HDGFL2: variants seen among roughly 807,000 people sequenced by gnomAD.
HDGFL2 encodes the protein hepatoma-derived growth factor-related protein 2.
HDGFL2 carries 36 observed loss-of-function variants against 77.1 expected under a neutral mutation model. That is an observed-to-expected ratio of 0.47 (90% CI 0.36 to 0.62). The LOEUF is 0.62. HDGFL2 is among the 20% of genes least tolerant of loss of function. The pLI is 0.00. For synonymous variants in HDGFL2, 463 were observed against 413.1 expected, an observed-to-expected ratio of 1.12 and a Z score of -1.46; for missense variants, 976 against 973.4, an observed-to-expected ratio of 1.00 and a Z score of -0.04.
chr19:4,501,878 G>A, intron 15 of HDGFL2, 33 bp from the exon 16 acceptor site: 2 of 1,395,606 alleles, frequency 1.4e-6, no homozygotes. Flanking sequence ...GGGCGGGAGG[G>A]CATCCTCACA....
Position 4,499,721 on chromosome 19 carries a change from G to A in HDGFL2, c.1789+17G>A, listed in dbSNP as rs778417999. ...CCAGCACCGGTGAGGGGCGGGTGGG[G>A]TGGGCCCTGTACCTCAGTCTCCTCA... On this transcript the variant is annotated intron_variant, in intron 14 of 15. Coordinates refer to ENST00000616600, the MANE Select transcript of HDGFL2 (RefSeq NM_001001520.3). The A allele has an allele frequency of 1.3e-6, 2 of 1,503,720 alleles. No homozygotes were observed. Among genetic ancestry groups the A allele is most frequent in the African/African-American group, 1.4e-5 (1 of 73,002 alleles). The allele number at this position is 1,503,720 out of a possible 1,614,324, so 93.1% of individuals were successfully genotyped here. A position where few individuals can be genotyped will look rare whatever the true frequency, so the allele number is the denominator to read the frequency against.
chr19:4,487,926 C>A (rs1194461540), intron 3 of HDGFL2, among the ~76,000 whole-genome samples: 1 of 150,878 alleles, frequency 6.6e-6, no homozygotes, highest in African/African-American at 2.4e-5. Context: ...CTTCTTCCTC[C>A]TGATAATTGA....
intron 3 of HDGFL2, among the ~76,000 whole-genome samples, chr19:4,476,934 T>C (rs1002435534): frequency 4.0e-5 from 6 of 151,158 alleles, no homozygotes; most frequent in African/African-American, 1.5e-4. Context: ...TGGGGGGGCA[T>C]GAATTTGGCG....
In HDGFL2 at chr19:4,494,452, C is replaced by G. The variant is rs779873648; in HGVS notation, c.1201C>G (p.Pro401Ala). ...TCCCCCGTCCTCCTCTGACTCCGAGCCCGAGGCCGAGCTGGAGAGAGAGGT... is the reference window on the plus strand; with the variant it reads ...TCCCCCGTCCTCCTCTGACTCCGAGGCCGAGGCCGAGCTGGAGAGAGAGGT... Reference protein sequence around the residue: ...RGPPSSSDSEPEAELEREAKK... With the variant: ...RGPPSSSDSEAEAELEREAKK... The change falls in exon 9 of 16, where the codon CCC becomes GCC. Residue 401 changes from proline (P) to alanine (A), a missense_variant. Around this residue, in one of 5 missense-constraint regions of HDGFL2, gnomAD observed 567 missense variants for 534.7 expected, o/e 1.06. Transcript: ENST00000616600. 7.2e-7 allele frequency: 1 copy of G among 1,397,882 alleles called. No individual in the cohort carries two copies. Among genetic ancestry groups the G allele is most frequent in the Admixed American group, 3.5e-5 (1 of 28,660 alleles). 86.6% of individuals were successfully genotyped at this position (1,397,882 alleles called of 1,614,324 possible). A position where few individuals can be genotyped will look rare whatever the true frequency, so the allele number is the denominator to read the frequency against.
chr19:4,478,206 T>G (rs910175089), intron 3 of HDGFL2, among the ~76,000 whole-genome samples: 12 of 151,414 alleles, frequency 7.9e-5, no homozygotes, highest in African/African-American at 2.7e-4. Flanking sequence ...TGTTTTTTTT[T>G]TTTTGTTTTT....
chr19:4,491,402 C>G (rs987924516), intron 4 of HDGFL2, among the ~76,000 whole-genome samples, 164 bp from the exon 5 acceptor site: 1 of 151,734 alleles, frequency 6.6e-6, no homozygotes, highest in African/African-American at 2.4e-5. Flanking sequence ...GCATAATGTC[C>G]TCAAGGTTCA....
At chr19:4,482,713 T>C (rs1392967827) in intron 3 of HDGFL2, among the ~76,000 whole-genome samples, 1 of 152,216 alleles carries the variant, frequency 6.6e-6, no homozygotes, top group Admixed American at 6.5e-5. Flanking sequence ...TCATCTCAGA[T>C]CTGCAGTTAC....
At chr19:4,477,703 A>C (rs1183488728) in intron 3 of HDGFL2, among the ~76,000 whole-genome samples, 1 of 152,186 alleles carries the variant, frequency 6.6e-6, no homozygotes, top group Non-Finnish European at 1.5e-5. Context: ...AGATCCCCCA[A>C]GATGAGAAGT....
chr19:4,489,764 C>T (rs1298421991), intron 4 of HDGFL2, among the ~76,000 whole-genome samples: 1 of 152,124 alleles, frequency 6.6e-6, no homozygotes, highest in Non-Finnish European at 1.5e-5. Flanking sequence ...AGTTATAGTC[C>T]ATACACCATG....
intron 3 of HDGFL2, among the ~76,000 whole-genome samples, chr19:4,485,520 C>T (rs1357969775): frequency 2.0e-5 from 3 of 151,732 alleles, no homozygotes; most frequent in Non-Finnish European, 2.9e-5. Flanking sequence ...GGGTGGATCA[C>T]GAGGTCAGGA....
chr19:4,500,088 C>T (rs573418685), intron 14 of HDGFL2, among the ~76,000 whole-genome samples: 2 of 152,050 alleles, frequency 1.3e-5, no homozygotes, highest in Admixed American at 6.5e-5. Context: ...GGCTCGGGGG[C>T]GGAGGCCTCA....
chr19:4,494,238 CCGG>C lies in HDGFL2; in HGVS notation c.996_998del (p.Arg333del), dbSNP rs1188916809. 2.7e-6 allele frequency: 4 copies of C among 1,461,460 alleles called. No individual in the cohort carries two copies. The highest frequency in any genetic ancestry group is 1.4e-5 in the South Asian group (1 of 71,492). 90.5% of individuals were successfully genotyped at this position (1,461,460 alleles called of 1,614,324 possible). A position where few individuals can be genotyped will look rare whatever the true frequency, so the allele number is the denominator to read the frequency against. ...AGGCGCGGAGGCGCGAGCTGGAGGC[CCGG>C]CGGCGGCGAGAGCAGGAGGAGGAGC... On this transcript the variant is annotated inframe_deletion, in exon 9 of 16. Coordinates refer to ENST00000616600, the MANE Select transcript of HDGFL2 (RefSeq NM_001001520.3).
At position 4,501,265 on chromosome 19, in the gene HDGFL2, G is replaced by A. The variant is rs750088233; in HGVS notation, c.1864G>A (p.Gly622Ser). Residue 622 changes from glycine to serine, a missense_variant, in exon 15 of 16, where the codon GGT becomes AGT. Around this residue, in one of 5 missense-constraint regions of HDGFL2, gnomAD observed 229 missense variants for 187.3 expected, o/e 1.22. Transcript: ENST00000616600. Reference protein sequence around the residue: ...ESAEDKEHEEGRDSEEGPRCG... With the variant: ...ESAEDKEHEESRDSEEGPRCG... ...CGCAGAGGACAAGGAGCACGAGGAGGGTCGGGACTCGGAGGAGGGGCCAAG... is the reference window on the plus strand; with the variant it reads ...CGCAGAGGACAAGGAGCACGAGGAGAGTCGGGACTCGGAGGAGGGGCCAAG... 2.5e-6 allele frequency: 4 copies of A among 1,613,252 alleles called. No individual in the cohort carries two copies. The highest frequency in any genetic ancestry group is 3.4e-6 in the Non-Finnish European group (4 of 1,179,692).
At chr19:4,501,780 T>C (rs1599729541) in intron 15 of HDGFL2, 131 bp from the exon 16 acceptor site, 1 of 618,994 alleles carries the variant, frequency 1.6e-6, no homozygotes, top group Non-Finnish European at 2.6e-6. Context: ...GACAGGCAGA[T>C]AGGAGGGCGG....
At chr19:4,477,496 T>C (rs1377654123) in intron 3 of HDGFL2, among the ~76,000 whole-genome samples, 2 of 152,202 alleles carry the variant, frequency 1.3e-5, no homozygotes, top group African/African-American at 4.8e-5. Context: ...CCTGGAAGGA[T>C]AGGTCAGAAA....
chr19:4,485,127 C>T (rs1975327892), intron 3 of HDGFL2, among the ~76,000 whole-genome samples: 1 of 152,166 alleles, frequency 6.6e-6, no homozygotes, highest in Non-Finnish European at 1.5e-5. Flanking sequence ...CAACGCTTCA[C>T]AAAGGAATCC....
intron 1 of HDGFL2, among the ~76,000 whole-genome samples, chr19:4,474,723 C>G (rs1435617105): frequency 1.3e-5 from 2 of 152,122 alleles, no homozygotes; most frequent in African/African-American, 2.4e-5. Context: ...TCTCCTAGCC[C>G]CAAACGTTTC....
At chr19:4,483,936 C>T (rs1975290054) in intron 3 of HDGFL2, among the ~76,000 whole-genome samples, 1 of 151,720 alleles carries the variant, frequency 6.6e-6, no homozygotes, top group Non-Finnish European at 1.5e-5. Context: ...ACTACAGGCA[C>T]CTGCCACCAC....
chr19:4,494,029 C>T lies in HDGFL2; in HGVS notation c.886C>T (p.Arg296Trp). Residue 296 changes from arginine (R) to tryptophan (W), a missense_variant, in exon 8 of 16, where the codon CGG becomes TGG. Transcript: ENST00000616600. Reference protein sequence around the residue: ...KPRGRKPKPERPPSSSSSDSD... With the variant: ...KPRGRKPKPEWPPSSSSSDSD... ...GCGAGGGCGGAAACCGAAGCCTGAA[C>T]GGCCTCCGTCCAGCTCCAGCAGTGA... 7 of 1,610,900 alleles carry T rather than the reference C, an allele frequency of 4.3e-6. No individual in the cohort carries two copies. Among genetic ancestry groups the T allele is most frequent in the East Asian group, 2.2e-5 (1 of 44,764 alleles).
Sources: allele counts gnomAD v4.1 joint callset (sites outside exome capture counted in the v4.1 genomes callset), GRCh38; gene constraint gnomAD v4.1.1; regional missense constraint gnomAD v4.1.1; transcripts MANE v1.5; gene names NCBI Gene and HGNC (gene_info 2026-07-23, HGNC 2026-07-21).